GULP1: variants seen among roughly 807,000 people sequenced by gnomAD.
The protein encoded by GULP1 is PTB domain-containing engulfment adapter protein 1.
In GULP1, 19 loss-of-function variants were observed where a neutral mutation model predicts 40.9. That is an observed-to-expected ratio of 0.46 (90% confidence interval 0.32 to 0.68). GULP1 has a LOEUF of 0.68. Among genes scored for constraint, GULP1 ranks in the 30% least tolerant of loss-of-function variants. GULP1 has a pLI of 0.03. For synonymous variants in GULP1, 119 were observed against 117.6 expected, an observed-to-expected ratio of 1.01 and a Z score of -0.08; for missense variants, 312 against 362.2, an observed-to-expected ratio of 0.86 and a Z score of 1.12.
chr2:188,459,076 C>A (rs1172506282), intron 2 of GULP1, among the ~76,000 whole-genome samples: 2 of 152,092 alleles, frequency 1.3e-5, no homozygotes, highest in Admixed American at 6.6e-5. Context: ...TGCCACATTT[C>A]TTTTTGTCCA....
intron 9 of GULP1, among the ~76,000 whole-genome samples, chr2:188,572,417 A>G (rs1559393445): frequency 2.0e-5 from 3 of 152,216 alleles, no homozygotes; most frequent in Non-Finnish European, 4.4e-5. Flanking sequence ...TTATCTAAAT[A>G]AAATGCTTCA....
intron 7 of GULP1, among the ~76,000 whole-genome samples, chr2:188,554,846 T>G (rs1694351885): frequency 6.6e-6 from 1 of 152,098 alleles, no homozygotes; most frequent in Admixed American, 6.5e-5. Flanking sequence ...ACTTAGATTT[T>G]TTAAAATTGT....
At chr2:188,451,508 A>T (rs532790505) in intron 2 of GULP1, among the ~76,000 whole-genome samples, 1 of 152,316 alleles carries the variant, frequency 6.6e-6, no homozygotes, top group East Asian at 1.9e-4. Flanking sequence ...AGTAATTATT[A>T]TCTGCTGCTT....
rs374449118 is a variant in GULP1, at chr2:188,565,339, C to G, written c.400-3900C>G. Among the ~76,000 whole-genome samples the G allele has an allele frequency of 2.6e-4, 40 of 151,926 alleles. 1 individual carries two copies. Among genetic ancestry groups the G allele is most frequent in the African/African-American group, 9.4e-4 (39 of 41,514 alleles). Reference sequence around the variant, plus strand: ...CTATATAAAAAACTCCTAAAAATCACAAATAAAAAGACAAAACACCTAATA... The same window carrying G: ...CTATATAAAAAACTCCTAAAAATCAGAAATAAAAAGACAAAACACCTAATA... On this transcript the variant is annotated intron_variant, in intron 7 of 11. Transcript: ENST00000409830.
intron 2 of GULP1, among the ~76,000 whole-genome samples, chr2:188,399,835 T>C (rs1382573190): frequency 6.6e-6 from 1 of 152,158 alleles, no homozygotes; most frequent in Non-Finnish European, 1.5e-5. Context: ...AAAAATTCAT[T>C]TGTTCTTTCT....
intron 2 of GULP1, among the ~76,000 whole-genome samples, chr2:188,453,046 G>C (rs753961579): frequency 2.6e-5 from 4 of 151,324 alleles, no homozygotes; most frequent in African/African-American, 4.9e-5. Context: ...TCCAACTCCT[G>C]GGCTCAAGTG....
chr2:188,548,560 TAGACA>T (rs1462751396), intron 7 of GULP1, among the ~76,000 whole-genome samples: 2 of 152,046 alleles, frequency 1.3e-5, no homozygotes, highest in African/African-American at 2.4e-5. Flanking sequence ...TTTGTAGATA[TAGACA>T]AGACAAGATT....
chr2:188,382,742 C>G (rs574806748), intron 1 of GULP1, among the ~76,000 whole-genome samples: 3 of 152,004 alleles, frequency 2.0e-5, no homozygotes, highest in East Asian at 3.9e-4. Context: ...AAAAATTAGC[C>G]GGGCATGATG....
At chr2:188,485,035 CT>C (rs2061745626) in intron 4 of GULP1, among the ~76,000 whole-genome samples, 1 of 151,962 alleles carries the variant, frequency 6.6e-6, no homozygotes, top group South Asian at 2.1e-4. Flanking sequence ...TATATGAAAT[CT>C]ATACTGAAAA....
intron 2 of GULP1, among the ~76,000 whole-genome samples, chr2:188,422,311 T>A (rs2055549231): frequency 6.6e-6 from 1 of 151,650 alleles, no homozygotes; most frequent in South Asian, 2.1e-4. Context: ...ACTTTATAAA[T>A]TTTGATGTAT....
intron 11 of GULP1, chr2:188,592,720 A>C (rs1022660109): frequency 6.6e-6 from 1 of 152,092 alleles, no homozygotes; most frequent in East Asian, 1.9e-4. Flanking sequence ...CTATATGATG[A>C]TGTTTACATT....
At chr2:188,396,256 T>C (rs373591329) in intron 2 of GULP1, among the ~76,000 whole-genome samples, 37 of 152,298 alleles carry the variant, frequency 2.4e-4, no homozygotes, top group East Asian at 2.3e-3. Flanking sequence ...CATGTTAAGC[T>C]ACCAGAACAG....
intron 1 of GULP1, among the ~76,000 whole-genome samples, chr2:188,304,829 C>T (rs1282004006): frequency 6.6e-6 from 1 of 152,148 alleles, no homozygotes; most frequent in Non-Finnish European, 1.5e-5. Flanking sequence ...TAAGGAAAAA[C>T]TCTCAAACTA....
At chr2:188,301,992 C>T (rs1296912578) in intron 1 of GULP1, among the ~76,000 whole-genome samples, 2 of 152,034 alleles carry the variant, frequency 1.3e-5, no homozygotes, top group East Asian at 1.9e-4. Context: ...CTTTTTCAAA[C>T]CAACTTGAAT....
chr2:188,513,025 G>A (rs2153209810), intron 4 of GULP1, among the ~76,000 whole-genome samples: 1 of 152,170 alleles, frequency 6.6e-6, no homozygotes, highest in East Asian at 1.9e-4. Context: ...CCTGTAAAAT[G>A]CTGTCTTTTG....
At chr2:188,566,018 A>C (rs1281972833) in intron 7 of GULP1, among the ~76,000 whole-genome samples, 1 of 152,156 alleles carries the variant, frequency 6.6e-6, no homozygotes, top group Admixed American at 6.6e-5. Context: ...ATAATAGATG[A>C]GATTTGACTG....
At chr2:188,341,397 C>T (rs1234293476) in intron 1 of GULP1, among the ~76,000 whole-genome samples, 1 of 152,054 alleles carries the variant, frequency 6.6e-6, no homozygotes, top group Non-Finnish European at 1.5e-5. Context: ...AAATCCACTC[C>T]TGTCATCCAA....
At chr2:188,573,140 T>G (rs185707004) in intron 9 of GULP1, among the ~76,000 whole-genome samples, 5 of 152,330 alleles carry the variant, frequency 3.3e-5, no homozygotes, top group African/African-American at 1.2e-4. Context: ...TAATGAGATA[T>G]CTAACCAATT....
intron 2 of GULP1, among the ~76,000 whole-genome samples, chr2:188,461,635 G>A (rs1575411365): frequency 1.3e-5 from 2 of 151,540 alleles, no homozygotes; most frequent in Non-Finnish European, 2.9e-5. Context: ...CTTTAATCTT[G>A]TTACTTATTA....
Sources: allele counts gnomAD v4.1 joint callset (sites outside exome capture counted in the v4.1 genomes callset), GRCh38; gene constraint gnomAD v4.1.1; transcripts MANE v1.5; gene names NCBI Gene and HGNC (gene_info 2026-07-23, HGNC 2026-07-21).